Variants in PACRG observed in about 807,000 individuals in gnomAD.
PACRG encodes the protein parkin coregulated gene protein.
PACRG carries 29 observed loss-of-function variants against 29.7 expected under a neutral mutation model. The observed-to-expected ratio is 0.98, with a 90% CI of 0.73 to 1.33. PACRG has a LOEUF of 1.33. Among genes scored for constraint, PACRG ranks in the 40% most tolerant of loss-of-function variants. The pLI, the probability that PACRG is intolerant of heterozygous loss-of-function variation, is 0.00. For missense variants in PACRG, 279 were observed against 316.2 expected (o/e 0.88, Z 0.89); for synonymous variants, 116 against 118.7 (o/e 0.98, Z 0.15).
chr6:163,010,974 G>A (rs1805557988), intron 2 of PACRG, among the ~76,000 whole-genome samples: 2 of 152,210 alleles, frequency 1.3e-5, no homozygotes, highest in South Asian at 4.1e-4. Context: ...GAGATGTGCG[G>A]CCCAGAGGAG....
chr6:163,059,094 A>T (rs1562875672), intron 2 of PACRG, among the ~76,000 whole-genome samples: 4 of 151,990 alleles, frequency 2.6e-5, no homozygotes, highest in African/African-American at 7.2e-5. Context: ...AAAAAAAAAA[A>T]AGTTAAAAAA....
intron 2 of PACRG, among the ~76,000 whole-genome samples, chr6:163,005,850 TTA>T (rs1036197480): frequency 1.4e-5 from 2 of 147,412 alleles, no homozygotes; most frequent in African/African-American, 5.0e-5. Context: ...GTTATACGTG[TTA>T]TATATATACA....
At chr6:162,770,304 C>T (rs1362169486) in intron 1 of PACRG, among the ~76,000 whole-genome samples, 1 of 152,152 alleles carries the variant, frequency 6.6e-6, no homozygotes, top group Non-Finnish European at 1.5e-5. Context: ...CTTGGCACAA[C>T]TACCCAGATT....
intron 2 of PACRG, among the ~76,000 whole-genome samples, chr6:162,844,821 A>C (rs1389948915): frequency 1.3e-5 from 2 of 152,190 alleles, no homozygotes; most frequent in Non-Finnish European, 2.9e-5. Flanking sequence ...TTTCTCCAGT[A>C]TTATAGTTAT....
intron 2 of PACRG, among the ~76,000 whole-genome samples, chr6:162,824,775 C>T (rs1200922289): frequency 6.6e-6 from 1 of 152,140 alleles, no homozygotes; most frequent in East Asian, 1.9e-4. Flanking sequence ...GAGTTCTGGT[C>T]TTAAGAAGCT....
chr6:163,134,602 G>C (rs1047528505), intron 4 of PACRG, among the ~76,000 whole-genome samples: 3 of 151,960 alleles, frequency 2.0e-5, no homozygotes, highest in African/African-American at 7.3e-5. Flanking sequence ...GGCTTTTAAG[G>C]GGAAAAAAAT....
At chr6:163,128,581 G>T (rs545089700) in intron 4 of PACRG, among the ~76,000 whole-genome samples, 1 of 152,222 alleles carries the variant, frequency 6.6e-6, no homozygotes, top group Non-Finnish European at 1.5e-5. Flanking sequence ...AAGCTAAAGT[G>T]GTTAGTGCAG....
chr6:163,000,986 A>G (rs2128198104), intron 2 of PACRG, among the ~76,000 whole-genome samples: 1 of 152,194 alleles, frequency 6.6e-6, no homozygotes, highest in East Asian at 1.9e-4. Context: ...GCTGATGGCC[A>G]TGATTTTGAA....
In PACRG at chr6:162,775,466, C is replaced by A. The variant is rs377750837; in HGVS notation, c.157-38681C>A. Among the ~76,000 whole-genome samples, 6 of 152,264 alleles carry A rather than the reference C, an allele frequency of 3.9e-5. No homozygotes were observed. The South Asian group carries it at 1.0e-3, about 26-fold the overall frequency. On this transcript the variant is annotated intron_variant, in intron 1 of 4. Coordinates refer to ENST00000366888, the MANE Select transcript of PACRG (RefSeq NM_001080379.2). ...TAATTTTAATCAATTTTACATAATA[C>A]AAATGCATTATTACATATGCTTTTC... is the stretch of plus-strand genomic sequence containing the variant.
intron 4 of PACRG, among the ~76,000 whole-genome samples, chr6:163,099,306 A>T (rs909724044): frequency 1.3e-5 from 2 of 152,172 alleles, no homozygotes; most frequent in East Asian, 3.9e-4. Flanking sequence ...CGACCAATTC[A>T]GCTAAGGCCT....
chr6:163,231,530 A>G (rs1782043232), intron 4 of PACRG, among the ~76,000 whole-genome samples: 1 of 152,190 alleles, frequency 6.6e-6, no homozygotes, highest in South Asian at 2.1e-4. Flanking sequence ...ACAATTCCAT[A>G]CAGATGGATC....
At chr6:162,839,616 T>C (rs1197614738) in intron 2 of PACRG, among the ~76,000 whole-genome samples, 8 of 151,968 alleles carry the variant, frequency 5.3e-5, no homozygotes, top group Non-Finnish European at 1.0e-4. Flanking sequence ...CATTTGTCAA[T>C]TTTGTCTTTT....
At chr6:163,087,171 T>C (rs1008999468) in intron 3 of PACRG, among the ~76,000 whole-genome samples, 17 of 151,600 alleles carry the variant, frequency 1.1e-4, no homozygotes, top group African/African-American at 4.1e-4. Context: ...ACCAGAGGAG[T>C]AGCAATAAGA....
At chr6:162,817,338 C>T (rs1231790866) in intron 2 of PACRG, among the ~76,000 whole-genome samples, 1 of 152,202 alleles carries the variant, frequency 6.6e-6, no homozygotes, top group Admixed American at 6.5e-5. Context: ...AAAGTAGAAG[C>T]AAGAGTTAGA....
In PACRG at chr6:162,922,290, A is replaced by G. The variant is rs562239471; in HGVS notation, c.291+108009A>G. 2.2e-4 allele frequency among the ~76,000 whole-genome samples: 32 copies of G among 147,620 alleles called. 1 individual carries two copies. In the South Asian group the frequency reaches 7.0e-3, roughly 32 times the overall value. Reference sequence around the variant, plus strand: ...CATGCCTGTTTCTGGTGGTCCCTGGATTGTGGGATCCTCCAGACCTCCCTT... The same window carrying G: ...CATGCCTGTTTCTGGTGGTCCCTGGGTTGTGGGATCCTCCAGACCTCCCTT... On this transcript the variant is annotated intron_variant, in intron 2 of 4. Coordinates refer to ENST00000366888, the MANE Select transcript of PACRG (RefSeq NM_001080379.2).
At chr6:163,248,070 G>T (rs1455639877) in intron 4 of PACRG, among the ~76,000 whole-genome samples, 5 of 152,140 alleles carry the variant, frequency 3.3e-5, no homozygotes, top group Admixed American at 6.5e-5. Context: ...CCAAGAAAAT[G>T]CTACCTCCAT....
intron 4 of PACRG, among the ~76,000 whole-genome samples, chr6:163,104,730 C>A (rs753655276): frequency 6.6e-6 from 1 of 152,104 alleles, no homozygotes; most frequent in Non-Finnish European, 1.5e-5. Flanking sequence ...GGTAAAAGAC[C>A]ATTTGTTTTA....
intron 2 of PACRG, among the ~76,000 whole-genome samples, chr6:162,854,430 C>G (rs1367397895): frequency 1.3e-5 from 2 of 152,094 alleles, no homozygotes. Flanking sequence ...TGACTTTGCT[C>G]CAGGAATTAG....
chr6:162,730,123 C>G (rs936096446), intron 1 of PACRG, among the ~76,000 whole-genome samples: 3 of 146,392 alleles, frequency 2.0e-5, no homozygotes, highest in African/African-American at 8.0e-5. Flanking sequence ...TTGGGATCAG[C>G]AAAGCAAAGT....
Sources: allele counts gnomAD v4.1 joint callset (sites outside exome capture counted in the v4.1 genomes callset), GRCh38; gene constraint gnomAD v4.1.1; transcripts MANE v1.5; gene names NCBI Gene and HGNC (gene_info 2026-07-23, HGNC 2026-07-21).